The following PTPRK variants were observed in gnomAD, a reference collection of about 807,000 sequenced individuals.
PTPRK encodes protein tyrosine phosphatase receptor type K.
Under a neutral mutation model 178.0 loss-of-function variants are expected in PTPRK, and 75 were observed. That is an observed-to-expected ratio of 0.42 (90% CI 0.35 to 0.51). The LOEUF (loss-of-function observed/expected upper bound fraction) is 0.51, where lower values mean the gene tolerates loss of function less well. PTPRK is among the 20% of genes least tolerant of loss of function. The pLI is 0.02. For synonymous variants in PTPRK, 637 were observed against 620.6 expected (o/e 1.03, Z -0.39); for missense variants, 1,441 against 1,797.8 (o/e 0.80, Z 3.59).
At chr6:128,494,524 G>A (rs545646311) in intron 1 of PTPRK, among the ~76,000 whole-genome samples, 4 of 152,206 alleles carry the variant, frequency 2.6e-5, no homozygotes, top group East Asian at 1.9e-4. Flanking sequence ...AGTACTCAGC[G>A]GGAGCACTGC....
intron 6 of PTPRK, among the ~76,000 whole-genome samples, chr6:128,190,490 CT>C (rs34873441): frequency 8.4e-3 from 803 of 96,098 alleles, no homozygotes; most frequent in Non-Finnish European, 0.01. Flanking sequence ...TGATAGATAC[CT>C]TTTTTTTTTT....
chr6:128,029,080 G>A (rs77947972), intron 13 of PTPRK, among the ~76,000 whole-genome samples: 5,651 of 152,218 alleles, frequency 0.037, 353 homozygotes, highest in African/African-American at 0.13. Flanking sequence ...CCCAATGCTG[G>A]AGATGGGACT....
intron 6 of PTPRK, among the ~76,000 whole-genome samples, chr6:128,214,369 C>CCATAT (rs1808829451): frequency 6.6e-6 from 1 of 152,066 alleles, no homozygotes; most frequent in Non-Finnish European, 1.5e-5. Context: ...ATATTCCAAA[C>CCATAT]TCTGTATGTC....
intron 22 of PTPRK, among the ~76,000 whole-genome samples, chr6:127,984,870 G>T (rs1410973221): frequency 6.6e-6 from 1 of 152,056 alleles, no homozygotes; most frequent in Non-Finnish European, 1.5e-5. Context: ...TGTTTTCAGG[G>T]TACATAGTAT....
intron 1 of PTPRK, among the ~76,000 whole-genome samples, chr6:128,452,616 T>C (rs1433739317): frequency 2.6e-5 from 4 of 152,106 alleles, no homozygotes; most frequent in South Asian, 4.1e-4. Flanking sequence ...GAAACACCTA[T>C]TGAAAAATCA....
intron 5 of PTPRK, among the ~76,000 whole-genome samples, chr6:128,223,302 T>C (rs941476371): frequency 6.6e-6 from 1 of 151,942 alleles, no homozygotes; most frequent in South Asian, 2.1e-4. Context: ...TAAGTTATAA[T>C]AAAATACACA....
intron 7 of PTPRK, among the ~76,000 whole-genome samples, chr6:128,099,820 G>A (rs1788494501): frequency 6.6e-6 from 1 of 152,158 alleles, no homozygotes; most frequent in South Asian, 2.1e-4. Flanking sequence ...ACAGCTTGCA[G>A]ATCCTTCACA....
At chr6:128,227,234 C>A (rs879669804) in intron 5 of PTPRK, among the ~76,000 whole-genome samples, 1 of 152,014 alleles carries the variant, frequency 6.6e-6, no homozygotes, top group East Asian at 1.9e-4. Flanking sequence ...AAAGTGGAAA[C>A]GTGATGCATA....
chr6:128,403,478 G>A (rs1029528092), intron 1 of PTPRK, among the ~76,000 whole-genome samples: 2 of 152,010 alleles, frequency 1.3e-5, no homozygotes, highest in African/African-American at 4.8e-5. Context: ...ACCTCTTTTA[G>A]CTTCAATTTC....
intron 2 of PTPRK, among the ~76,000 whole-genome samples, chr6:128,383,770 C>T (rs1838290103): frequency 6.6e-6 from 1 of 152,156 alleles, no homozygotes; most frequent in South Asian, 2.1e-4. Context: ...TTGTCAAGAA[C>T]AGTGTGGTTT....
intron 7 of PTPRK, among the ~76,000 whole-genome samples, chr6:128,154,014 T>G (rs1797641034): frequency 1.3e-5 from 2 of 151,848 alleles, no homozygotes; most frequent in African/African-American, 4.8e-5. Context: ...CAGAAGCATG[T>G]ATTCTTTAGC....
At chr6:128,359,867 G>A (rs1834493982) in intron 2 of PTPRK, among the ~76,000 whole-genome samples, 1 of 152,186 alleles carries the variant, frequency 6.6e-6, no homozygotes, top group African/African-American at 2.4e-5. Flanking sequence ...GCCATAGAGT[G>A]CATGGCAATA....
rs528125923 is a variant in PTPRK at position 128,228,561 on chromosome 6, G to A, written c.694-9465C>T. ...TGTAGTTCCAGCTACTCGGGAGGCT[G>A]AGGCAGGAGAATGGCGTGAACCCGG... On this transcript the variant is annotated intron_variant, in intron 5 of 29. Transcript: ENST00000368226. 2.7e-5 allele frequency among the ~76,000 whole-genome samples: 4 copies of A among 150,684 alleles called. No individual in the cohort carries two copies. In the South Asian group the frequency reaches 8.4e-4, roughly 32 times the overall value.
chr6:128,418,399 T>G (rs1843074786), intron 1 of PTPRK, among the ~76,000 whole-genome samples: 2 of 152,216 alleles, frequency 1.3e-5, no homozygotes, highest in South Asian at 4.1e-4. Flanking sequence ...AGGTGAGCAC[T>G]GGCTGAATGA....
intron 19 of PTPRK, among the ~76,000 whole-genome samples, chr6:127,991,781 T>C (rs1271188311): frequency 6.6e-6 from 1 of 151,698 alleles, no homozygotes; most frequent in Non-Finnish European, 1.5e-5. Context: ...TTATAAATAG[T>C]GCATGTTTAG....
chr6:128,174,120 GT>G lies in PTPRK; in HGVS notation c.1162+10311del, dbSNP rs202197610. Among the ~76,000 whole-genome samples, 482 of 152,020 alleles carry G rather than the reference GT, an allele frequency of 3.2e-3. 4 individuals are homozygous for G. The highest frequency in any genetic ancestry group is 0.011 in the African/African-American group (455 of 41,524). On this transcript the variant is annotated intron_variant, in intron 7 of 29. Coordinates refer to ENST00000368226, the MANE Select transcript of PTPRK (RefSeq NM_002844.4). ...TCCTTCAGATTTCTGCATGTTTGTA[GT>G]TTTTAAAATATTAGAGGAAAAATAT...
intron 7 of PTPRK, among the ~76,000 whole-genome samples, chr6:128,169,559 C>T (rs1041301201): frequency 1.3e-5 from 2 of 151,874 alleles, no homozygotes; most frequent in Non-Finnish European, 2.9e-5. Context: ...CAATTATTTC[C>T]TGATCTCCAC....
At position 128,240,116 on chromosome 6, in the gene PTPRK, T is replaced by C. The variant is rs778611326; in HGVS notation, c.612A>G (p.Val204=). The change falls in exon 5 of 30, where the codon GTA becomes GTG. Residue 204 remains valine, a synonymous_variant. Coordinates refer to ENST00000368226, the MANE Select transcript of PTPRK (RefSeq NM_002844.4). ...TAGCGTTTTGCCCTGCATTCACCTC[T>C]ACATCCCCTAGACGGAGGAAATGAG... ...KSPHFLRLGD[V]EVNAGQNATF... 6.2e-7 allele frequency: 1 copy of C among 1,613,872 alleles called. No homozygotes were observed. Among genetic ancestry groups the C allele is most frequent in the Non-Finnish European group, 8.5e-7 (1 of 1,179,804 alleles).
At chr6:128,089,174 G>T (rs1203052433) in intron 8 of PTPRK, among the ~76,000 whole-genome samples, 1 of 152,318 alleles carries the variant, frequency 6.6e-6, no homozygotes, top group East Asian at 1.9e-4. Context: ...ACGTTGGCCA[G>T]GCTGGTCTTG....
Sources: gnomAD v4.1 joint callset for allele counts (sites outside exome capture counted in the v4.1 genomes callset) on GRCh38, gnomAD v4.1.1 for gene constraint, MANE v1.5 for transcripts, NCBI Gene and HGNC (gene_info 2026-07-23, HGNC 2026-07-21) for gene names.